Variants in FAT1 observed in about 807,000 individuals in gnomAD.
FAT1 encodes the protein FAT atypical cadherin 1.
In FAT1, 171 loss-of-function variants were observed where a neutral mutation model predicts 329.8. That is an observed-to-expected ratio of 0.52 (90% CI 0.46 to 0.59). The LOEUF (loss-of-function observed/expected upper bound fraction) is 0.59, where lower values mean the gene tolerates loss of function less well. Ranked by LOEUF, FAT1 falls within the 20% of genes least tolerant of loss-of-function variation. FAT1 has a pLI of 0.00. For missense variants in FAT1, 5,672 were observed against 5,774.4 expected (o/e 0.98, Z 0.57); for synonymous variants, 2,233 against 2,228.6 (o/e 1.00, Z -0.06).
Position 186,706,562 on chromosome 4 carries a change from C to A in FAT1, c.3265+1G>T, listed in dbSNP as rs755875623. On this transcript the variant is annotated splice_donor_variant, in intron 2 of 26. Coordinates refer to ENST00000441802, the MANE Select transcript of FAT1 (RefSeq NM_005245.4). LOFTEE classifies it high-confidence loss of function. ...AATGAGAGCAATAAAAACATATTTACCTGTCTCTTCACCTATTTTGAAAAC... is the reference window on the plus strand; with the variant it reads ...AATGAGAGCAATAAAAACATATTTAACTGTCTCTTCACCTATTTTGAAAAC... The A allele has an allele frequency of 1.9e-6, 3 of 1,588,934 alleles. No individual in the cohort carries two copies. The highest frequency in any genetic ancestry group is 1.4e-5 in the African/African-American group (1 of 73,834).
chr4:186,630,717 C>T (rs888392999), intron 7 of FAT1, among the ~76,000 whole-genome samples: 1 of 151,944 alleles, frequency 6.6e-6, no homozygotes, highest in African/African-American at 2.4e-5. Context: ...ATTATCACCA[C>T]CCCCACTTTG....
At position 186,663,542 on chromosome 4, in the gene FAT1, C is replaced by T. The variant is rs144526682; in HGVS notation, c.3337G>A (p.Asp1113Asn). Residue 1113 changes from aspartate (D) to asparagine (N), a missense_variant, in exon 3 of 27, where the codon GAT becomes AAT. Physicochemically the swap from Asp to Asn is conservative, Grantham distance 23. This residue lies in a region of FAT1 where 3,966 missense variants were observed against 3,915.2 expected (regional missense o/e 1.01). Transcript: ENST00000441802. ...SHYWLTVFAT[D>N]QGVVPLSSFI... ...GATGAAAGAGGCACGACACCCTGATCGGTTGCAAAGACTGTTAGCCAATAA... is the reference window on the plus strand; with the variant it reads ...GATGAAAGAGGCACGACACCCTGATTGGTTGCAAAGACTGTTAGCCAATAA... 1.3e-4 allele frequency: 217 copies of T among 1,613,680 alleles called. No individual in the cohort carries two copies. The East Asian group carries it at 2.8e-3, about 21-fold the overall frequency.
chr4:186,608,514 G>A (rs1415066067), intron 16 of FAT1, among the ~76,000 whole-genome samples: 1 of 152,112 alleles, frequency 6.6e-6, no homozygotes, highest in Non-Finnish European at 1.5e-5. Context: ...CCATGTAGCT[G>A]AGACTATCGG....
In FAT1 at chr4:186,596,408, A is replaced by G; in HGVS notation, c.13000+132T>C. The G allele has an allele frequency of 2.8e-6, 3 of 1,053,744 alleles. No individual in the cohort carries two copies. Among genetic ancestry groups the G allele is most frequent in the Non-Finnish European group, 4.0e-6 (3 of 745,726 alleles). The allele number at this position is 1,053,744 out of a possible 1,614,324, so 65.3% of individuals were successfully genotyped here. ...AATCGGGACATCCAAAAAAGTTTCA[A>G]ATCATCATACGGATTTCAGTCTGAG... is the stretch of plus-strand genomic sequence containing the variant. On this transcript the variant is annotated intron_variant, in intron 25 of 26. Transcript: ENST00000441802. The surrounding 1 kb of genome is among the most constrained non-coding windows in gnomAD (Gnocchi z 4.7).
chr4:186,723,150 T>C (rs552975112), intron 1 of FAT1, among the ~76,000 whole-genome samples: 80 of 152,248 alleles, frequency 5.3e-4, no homozygotes, highest in Non-Finnish European at 1.1e-3. Flanking sequence ...CCGCACATTG[T>C]GCAGATGTTC....
rs1738477450 is a variant in FAT1 at position 186,595,803 on chromosome 4, A to T, written c.13024T>A (p.Cys4342Ser). The T allele has an allele frequency of 6.2e-7, 1 of 1,613,972 alleles. No homozygotes were observed. The change falls in exon 26 of 27, where the codon TGT becomes AGT. Residue 4342 changes from cysteine to serine, a missense_variant. Around this residue, in one of 2 missense-constraint regions of FAT1, gnomAD observed 1,706 missense variants for 1,859.1 expected, o/e 0.92. Coordinates refer to ENST00000441802, the MANE Select transcript of FAT1 (RefSeq NM_005245.4). The stretch of plus-strand genomic sequence containing the variant: ...TCCTCTAGAGGCTTCTTGGAAAGAC[A>T]GGGATCAAGATCCACCACTTTTGCT... Reference protein sequence around the residue: ...YDTKVVDLDPCLSKKPLEEKP... With the variant: ...YDTKVVDLDPSLSKKPLEEKP...
chr4:186,611,588 A>G lies in FAT1; in HGVS notation c.9651T>C (p.Ile3217=), dbSNP rs1391604019. ...PRRLTATGTV[I]VSVLDINDNP... ...TGTCATTTATGTCAAGAACTGATAC[A>G]ATCACAGTGCCAGTGGCAGTCAGCC... Residue 3217 remains isoleucine, a synonymous_variant, in exon 14 of 27, where the codon ATT becomes ATC. Transcript: ENST00000441802. 6.2e-7 allele frequency: 1 copy of G among 1,613,740 alleles called. No individual in the cohort carries two copies. The highest frequency in any genetic ancestry group is 8.5e-7 in the Non-Finnish European group (1 of 1,179,804).
At chr4:186,623,040 ACTTC>A (rs1740123305) in intron 9 of FAT1, among the ~76,000 whole-genome samples, 1 of 152,074 alleles carries the variant, frequency 6.6e-6, no homozygotes, top group African/African-American at 2.4e-5. Context: ...TACAGTCTTC[ACTTC>A]CTTCCTTTCA....
rs745951276 is a variant in FAT1 at position 186,617,697 on chromosome 4, A to T, written c.8878+11T>A. The T allele has an allele frequency of 1.3e-6, 2 of 1,536,606 alleles. No individual in the cohort carries two copies. Among genetic ancestry groups the T allele is most frequent in the Non-Finnish European group, 1.8e-6 (2 of 1,141,416 alleles). On this transcript the variant is annotated intron_variant, in intron 10 of 26. Transcript: ENST00000441802. ...AAATTAATTAAACCGTTTGGTATGA[A>T]TTTTTTTTACCTGTTATGAAATATG...
At chr4:186,606,479 C>T (rs1739142962) in intron 16 of FAT1, among the ~76,000 whole-genome samples, 1 of 152,270 alleles carries the variant, frequency 6.6e-6, no homozygotes. Context: ...TTTTATCTTG[C>T]AGTTCTATTA....
At chr4:186,593,572 A>G (rs572155347) in intron 26 of FAT1, among the ~76,000 whole-genome samples, 24 of 152,290 alleles carry the variant, frequency 1.6e-4, no homozygotes, top group African/African-American at 5.8e-4. Context: ...CATAAGGGTA[A>G]CTTTTCTGCA....
At position 186,609,802 on chromosome 4, in the gene FAT1, G is replaced by A. The variant is rs760734038; in HGVS notation, c.10067C>T (p.Thr3356Met). Reference sequence around the variant, plus strand: ...CTGTAATGGGGAAAAAATACACACCGTGATGACAGACTGCTCAAGAACGGC... The same window carrying A: ...CTGTAATGGGGAAAAAATACACACCATGATGACAGACTGCTCAAGAACGGC... ...EDAVLEQSVITVMADDADGPS... is the reference protein window; with the variant it reads ...EDAVLEQSVIMVMADDADGPS... The change falls in exon 15 of 27, where the codon ACG (threonine) becomes ATG (methionine). Residue 3356 changes from threonine to methionine, a missense_variant and splice_region_variant. Physicochemically the swap from Thr to Met is moderately conservative, Grantham distance 81. Transcript: ENST00000441802. 1.4e-5 allele frequency: 22 copies of A among 1,606,868 alleles called. No individual in the cohort carries two copies. The highest frequency in any genetic ancestry group is 1.0e-4 in the Admixed American group (6 of 59,974).
At chr4:186,671,217 G>A (rs915974875) in intron 2 of FAT1, among the ~76,000 whole-genome samples, 1 of 151,744 alleles carries the variant, frequency 6.6e-6, no homozygotes, top group Non-Finnish European at 1.5e-5. Flanking sequence ...ATGATACCTT[G>A]AGAGCCTAAT....
At chr4:186,612,270 T>C (rs964625417) in intron 13 of FAT1, among the ~76,000 whole-genome samples, 2 of 152,152 alleles carry the variant, frequency 1.3e-5, no homozygotes, top group Non-Finnish European at 2.9e-5. Flanking sequence ...TCTGGCTTCT[T>C]AGACTATTTC....
intron 2 of FAT1, among the ~76,000 whole-genome samples, chr4:186,676,897 G>A (rs1742982956): frequency 6.6e-6 from 1 of 152,128 alleles, no homozygotes; most frequent in Admixed American, 6.5e-5. Context: ...AGAATCATAT[G>A]CAATTCAGTT....
rs975459956 is a variant in FAT1 at position 186,619,400 on chromosome 4, C to T, written c.7186G>A (p.Glu2396Lys). ...GGGGCGTGCTCGCTAATTCTGGCTT[C>T]ATAAATCTGTTGTTCAAAGAGTGGT... ...NPPLFEQQIY[E>K]ARISEHAPHG... The change falls in exon 10 of 27, where the codon GAA (glutamate) becomes AAA (lysine). Residue 2396 changes from glutamate (E) to lysine (K), a missense_variant. By Grantham distance (56) the Glu-to-Lys change is moderately conservative (BLOSUM62 1). Coordinates refer to ENST00000441802, the MANE Select transcript of FAT1 (RefSeq NM_005245.4). 2 of 1,613,904 alleles carry T rather than the reference C, an allele frequency of 1.2e-6. No homozygotes were observed. The highest frequency in any genetic ancestry group is 2.7e-5 in the African/African-American group (2 of 74,936).
At chr4:186,704,264 C>T (rs1417256767) in intron 2 of FAT1, among the ~76,000 whole-genome samples, 1 of 152,160 alleles carries the variant, frequency 6.6e-6, no homozygotes, top group Non-Finnish European at 1.5e-5. Context: ...CACTAAATTA[C>T]TACTGGAAAA....
At position 186,707,969 on chromosome 4, in the gene FAT1, T is replaced by G. The variant is rs753881702; in HGVS notation, c.1859A>C (p.Asn620Thr). Residue 620 changes from asparagine to threonine, a missense_variant, in exon 2 of 27, where the codon AAC becomes ACC. Coordinates refer to ENST00000441802, the MANE Select transcript of FAT1 (RefSeq NM_005245.4). ...TCGCTTTAATGACAATACCCCCGAG[T>G]TGGGGTTTAAACTAAAGAAATCCAG... is the stretch of plus-strand genomic sequence containing the variant. ...NELDFFSLNP[N>T]SGVLSLKRSL... The G allele has an allele frequency of 1.2e-6, 2 of 1,613,936 alleles. No homozygotes were observed. The highest frequency in any genetic ancestry group is 1.7e-6 in the Non-Finnish European group (2 of 1,179,874).
Position 186,708,429 on chromosome 4 carries a change from C to T in FAT1, c.1399G>A (p.Ala467Thr), listed in dbSNP as rs201582617. The T allele has an allele frequency of 6.2e-7, 1 of 1,614,024 alleles. No homozygotes were observed. Among genetic ancestry groups the T allele is most frequent in the Non-Finnish European group, 8.5e-7 (1 of 1,179,898 alleles). Residue 467 changes from alanine (A) to threonine (T), a missense_variant, in exon 2 of 27, where the codon GCG (alanine) becomes ACG (threonine). Transcript: ENST00000441802. ...NSNPPEFTQT[A>T]YKAAFDENVP... ...TTCTCATCAAAAGCAGCTTTGTACGCTGTCTGGGTAAATTCAGGGGGATTG... is the reference window on the plus strand; with the variant it reads ...TTCTCATCAAAAGCAGCTTTGTACGTTGTCTGGGTAAATTCAGGGGGATTG...
Sources: allele counts gnomAD v4.1 joint callset (sites outside exome capture counted in the v4.1 genomes callset), GRCh38; gene constraint gnomAD v4.1.1; regional missense constraint gnomAD v4.1.1; non-coding constraint Gnocchi (gnomAD v3.1); transcripts MANE v1.5; gene names NCBI Gene and HGNC (gene_info 2026-07-23, HGNC 2026-07-21).